KHDRBS2: variants seen among roughly 807,000 people sequenced by gnomAD.
The protein encoded by KHDRBS2 is KH domain-containing, RNA-binding, signal transduction-associated protein 2.
Under a neutral mutation model 44.3 loss-of-function variants are expected in KHDRBS2, and 26 were observed. The observed-to-expected ratio is 0.59, with a 90% CI of 0.43 to 0.81. The LOEUF (loss-of-function observed/expected upper bound fraction) is 0.81. Ranked by LOEUF, KHDRBS2 falls within the 40% of genes least tolerant of loss-of-function variation. KHDRBS2 has a pLI of 0.00. For synonymous variants in KHDRBS2, 194 were observed against 151.1 expected (o/e 1.28, Z -2.08); for missense variants, 476 against 433.1 (o/e 1.10, Z -0.88).
intron 6 of KHDRBS2, among the ~76,000 whole-genome samples, chr6:61,848,518 T>A (rs1309145590): frequency 2.2e-5 from 1 of 46,134 alleles, no homozygotes; most frequent in African/African-American, 9.8e-5. Flanking sequence ...TATGTATATA[T>A]GTATATATAT....
chr6:61,863,192 C>T (rs565489479), intron 6 of KHDRBS2, among the ~76,000 whole-genome samples: 1 of 150,890 alleles, frequency 6.6e-6, no homozygotes, highest in East Asian at 1.9e-4. Context: ...TTTATTAGTC[C>T]AGCTAGTGGT....
At chr6:61,600,204 A>G in the KHDRBS2 span, among the ~76,000 whole-genome samples, 2 of 152,310 alleles carry the variant, frequency 1.3e-5, no homozygotes, top group East Asian at 3.9e-4. Flanking sequence ...CTCTGAACCC[A>G]AGCTAAGCCA....
At chr6:61,629,688 G>T in the KHDRBS2 span, among the ~76,000 whole-genome samples, 1 of 152,138 alleles carries the variant, frequency 6.6e-6, no homozygotes, top group East Asian at 1.9e-4. Context: ...TTCTGAACCT[G>T]ACTGATCAAT....
chr6:61,668,760 T>A, the KHDRBS2 span, among the ~76,000 whole-genome samples: 10 of 151,082 alleles, frequency 6.6e-5, no homozygotes, highest in Admixed American at 4.6e-4. Context: ...TCTTTTTCCT[T>A]GTTTTTATAT....
At chr6:62,194,561 C>A (rs1186155097) in intron 1 of KHDRBS2, among the ~76,000 whole-genome samples, 1 of 130,828 alleles carries the variant, frequency 7.6e-6, no homozygotes, top group African/African-American at 3.0e-5. Flanking sequence ...AGTAGACAGG[C>A]ACAATCTCAG....
chr6:62,045,082 GA>G (rs1032587723), intron 3 of KHDRBS2, among the ~76,000 whole-genome samples: 4 of 151,854 alleles, frequency 2.6e-5, no homozygotes, highest in African/African-American at 7.3e-5. Context: ...GAACATGAAG[GA>G]AAAAAAGAAA....
chr6:61,884,636 A>G (rs1800661932), intron 6 of KHDRBS2, among the ~76,000 whole-genome samples: 1 of 152,062 alleles, frequency 6.6e-6, no homozygotes. Context: ...GTTCTGACAG[A>G]CACTTCCAGA....
chr6:61,582,115 A>G, the KHDRBS2 span, among the ~76,000 whole-genome samples: 1 of 151,974 alleles, frequency 6.6e-6, no homozygotes. Context: ...GTTATGATCT[A>G]AAAGTTTTTA....
chr6:61,759,309 G>T (rs1449102730), intron 6 of KHDRBS2, among the ~76,000 whole-genome samples: 1 of 151,954 alleles, frequency 6.6e-6, no homozygotes, highest in Non-Finnish European at 1.5e-5. Flanking sequence ...TCGTATTTAT[G>T]GTTTTGCATT....
At chr6:62,082,696 T>C (rs1797635827) in intron 2 of KHDRBS2, among the ~76,000 whole-genome samples, 1 of 152,158 alleles carries the variant, frequency 6.6e-6, no homozygotes, top group Non-Finnish European at 1.5e-5. Context: ...GAGCTAAGTG[T>C]AGCCATGTTT....
chr6:62,231,367 GAGC>G (rs1832873097), intron 1 of KHDRBS2, among the ~76,000 whole-genome samples: 1 of 152,138 alleles, frequency 6.6e-6, no homozygotes, highest in African/African-American at 2.4e-5. Context: ...AGAGAAGTTC[GAGC>G]AGGGAAATGC....
At chr6:61,954,337 A>G (rs572193905) in intron 4 of KHDRBS2, among the ~76,000 whole-genome samples, 1 of 150,846 alleles carries the variant, frequency 6.6e-6, no homozygotes, top group East Asian at 2.0e-4. Context: ...ATATATGTAT[A>G]GATAGATATA....
intron 6 of KHDRBS2, among the ~76,000 whole-genome samples, chr6:61,795,117 G>A (rs374186143): frequency 8.5e-6 from 1 of 117,572 alleles, no homozygotes; most frequent in East Asian, 2.7e-4. Context: ...CCAGCCTGGC[G>A]ACTGGCAACA....
chr6:61,984,369 G>A (rs539879836), intron 3 of KHDRBS2, among the ~76,000 whole-genome samples: 125 of 152,104 alleles, frequency 8.2e-4, no homozygotes, highest in African/African-American at 2.8e-3. Flanking sequence ...AATTTCTAGC[G>A]AAGTTTCAGA....
intron 4 of KHDRBS2, among the ~76,000 whole-genome samples, chr6:61,974,529 T>G (rs1772103605): frequency 6.6e-6 from 1 of 152,072 alleles, no homozygotes; most frequent in Admixed American, 6.6e-5. Context: ...AATAATCAAA[T>G]ATAATGAAAA....
intron 3 of KHDRBS2, among the ~76,000 whole-genome samples, chr6:62,010,100 G>A (rs1253178735): frequency 6.6e-6 from 1 of 152,152 alleles, no homozygotes; most frequent in Admixed American, 6.5e-5. Flanking sequence ...CAGCCTGGAG[G>A]GAGGTTGTAC....
chr6:61,957,784 T>G (rs1216880348), intron 4 of KHDRBS2, among the ~76,000 whole-genome samples: 1 of 152,186 alleles, frequency 6.6e-6, no homozygotes, highest in Non-Finnish European at 1.5e-5. Flanking sequence ...GTGAGACATG[T>G]GATCTCTGTG....
chr6:61,655,704 C>T, the KHDRBS2 span, among the ~76,000 whole-genome samples: 6 of 152,006 alleles, frequency 3.9e-5, no homozygotes, highest in Admixed American at 2.6e-4. Flanking sequence ...TTATTTTTCT[C>T]TAAAAGAAAT....
intron 2 of KHDRBS2, among the ~76,000 whole-genome samples, chr6:62,159,315 C>CTT (rs1584997547): frequency 6.6e-6 from 1 of 152,174 alleles, no homozygotes; most frequent in East Asian, 1.9e-4. Flanking sequence ...ACTGTAATTG[C>CTT]TTTATTCTTA....
Sources: allele counts gnomAD v4.1 joint callset (sites outside exome capture counted in the v4.1 genomes callset), GRCh38; gene constraint gnomAD v4.1.1; transcripts MANE v1.5; gene names NCBI Gene and HGNC (gene_info 2026-07-23, HGNC 2026-07-21).